ZEB1: variants seen among roughly 807,000 people sequenced by gnomAD.
ZEB1 encodes zinc finger E-box-binding homeobox 1.
In ZEB1, 21 loss-of-function variants were observed where a neutral mutation model predicts 84.9. That is an observed-to-expected ratio of 0.25 (90% CI 0.18 to 0.36). ZEB1 has a LOEUF of 0.36. Ranked by LOEUF, ZEB1 falls within the 10% of genes least tolerant of loss-of-function variation. The pLI, the probability that ZEB1 is intolerant of heterozygous loss-of-function variation, is 1.00. For missense variants in ZEB1, 1,104 were observed against 1,330.2 expected, an observed-to-expected ratio of 0.83 and a Z score of 2.65; for synonymous variants, 420 against 471.1, an observed-to-expected ratio of 0.89 and a Z score of 1.41.
intron 1 of ZEB1, among the ~76,000 whole-genome samples, chr10:31,451,361 CT>C (rs907373985): frequency 1.3e-5 from 2 of 151,992 alleles, no homozygotes; most frequent in African/African-American, 4.8e-5. Context: ...GGTAATTTAT[CT>C]TTTTTCTTGA....
chr10:31,354,905 C>G (rs1254872079), intron 1 of ZEB1, among the ~76,000 whole-genome samples: 1 of 152,088 alleles, frequency 6.6e-6, no homozygotes, highest in African/African-American at 2.4e-5. Context: ...GTGCATAGTT[C>G]TGTTGATGCT....
At chr10:31,459,749 T>G (rs564544471) in intron 1 of ZEB1, among the ~76,000 whole-genome samples, 101 of 151,932 alleles carry the variant, frequency 6.6e-4, no homozygotes, top group Non-Finnish European at 1.3e-3. Flanking sequence ...ATAAAAGCTG[T>G]TTTGGAGTTT....
chr10:31,521,054 T>C lies in ZEB1; in HGVS notation c.1722T>C (p.Val574=). ...AAGCTGAGAAGCCTGAGTCCTCTGT[T>C]TCATCAGCTACTGGAGATGGCAATT... The part of the protein sequence containing the change: ...AAEAEKPESS[V]SSATGDGNLS... The change falls in exon 7 of 9, where the codon GTT becomes GTC. Residue 574 remains valine, a synonymous_variant. Transcript: ENST00000424869. 8.1e-6 allele frequency: 13 copies of C among 1,614,060 alleles called. No homozygotes were observed. Among genetic ancestry groups the C allele is most frequent in the Non-Finnish European group, 1.1e-5 (13 of 1,180,006 alleles).
intron 1 of ZEB1, among the ~76,000 whole-genome samples, chr10:31,412,982 A>G (rs2054577249): frequency 6.6e-6 from 1 of 152,170 alleles, no homozygotes; most frequent in Admixed American, 6.5e-5. Context: ...TTAAAGACTC[A>G]TATATTTAGG....
chr10:31,436,108 A>G (rs1405639903), intron 1 of ZEB1, among the ~76,000 whole-genome samples: 1 of 152,186 alleles, frequency 6.6e-6, no homozygotes, highest in African/African-American at 2.4e-5. Flanking sequence ...TTTAAGCGAT[A>G]ATGTATGCAG....
At chr10:31,497,942 TAGATAGATAGA>T (rs2067492290) in intron 3 of ZEB1, among the ~76,000 whole-genome samples, 1 of 146,980 alleles carries the variant, frequency 6.8e-6, no homozygotes, top group African/African-American at 2.7e-5. Context: ...GATAGATAGA[TAGATAGATAGA>T]TAGATAGATA....
chr10:31,507,117 G>A (rs1417562644), intron 4 of ZEB1, among the ~76,000 whole-genome samples: 1 of 151,978 alleles, frequency 6.6e-6, no homozygotes, highest in East Asian at 1.9e-4. Context: ...ATTCTTGGCT[G>A]GCAGGGTTTT....
At chr10:31,403,847 A>G (rs910789910) in intron 1 of ZEB1, among the ~76,000 whole-genome samples, 3 of 152,086 alleles carry the variant, frequency 2.0e-5, no homozygotes, top group Non-Finnish European at 4.4e-5. Flanking sequence ...ATAAAAACAC[A>G]TTGATAATGC....
rs1480138884 is a variant in ZEB1, at chr10:31,527,450, CACAA to C, written c.*188_*191del. ...ACACACACACACACACACACACACACACAAAATAAATCCGGGTGTGCCTGAACCT... is the reference window on the plus strand; with the variant it reads ...ACACACACACACACACACACACACACAATAAATCCGGGTGTGCCTGAACCT... On this transcript the variant is annotated 3_prime_UTR_variant, in exon 9 of 9. Transcript: ENST00000424869. 7 of 695,126 alleles carry C rather than the reference CACAA, an allele frequency of 1.0e-5. No individual in the cohort carries two copies. Among genetic ancestry groups the C allele is most frequent in the African/African-American group, 4.2e-5 (2 of 47,232 alleles). 43.1% of individuals were successfully genotyped at this position (695,126 alleles called of 1,614,324 possible). A position where few individuals can be genotyped will look rare whatever the true frequency, so the allele number is the denominator to read the frequency against.
chr10:31,485,984 CATA>C (rs1224989694), intron 2 of ZEB1, among the ~76,000 whole-genome samples: 1 of 151,844 alleles, frequency 6.6e-6, no homozygotes, highest in Non-Finnish European at 1.5e-5. Context: ...CAACATGAAA[CATA>C]ATCTGTGTCA....
At chr10:31,375,199 T>C (rs2046415120) in intron 1 of ZEB1, among the ~76,000 whole-genome samples, 1 of 151,714 alleles carries the variant, frequency 6.6e-6, no homozygotes, top group African/African-American at 2.4e-5. Context: ...TTAGTTTTTT[T>C]CTGGATATAC....
intron 1 of ZEB1, among the ~76,000 whole-genome samples, chr10:31,340,097 G>A (rs975698599): frequency 6.6e-6 from 1 of 151,968 alleles, no homozygotes; most frequent in Non-Finnish European, 1.5e-5. Flanking sequence ...ATGCAAAATT[G>A]TTATGTTACT....
At chr10:31,385,710 T>C (rs2048518251) in intron 1 of ZEB1, among the ~76,000 whole-genome samples, 1 of 152,024 alleles carries the variant, frequency 6.6e-6, no homozygotes, top group South Asian at 2.1e-4. Flanking sequence ...GTATTTTTAG[T>C]AGAGATGGGG....
chr10:31,461,348 G>T (rs569333448), intron 2 of ZEB1, 111 bp downstream of exon 2: 1,052 of 1,213,546 alleles, frequency 8.7e-4, no homozygotes, highest in Non-Finnish European at 1.2e-3. Context: ...AGTAAATTTG[G>T]CTATCAATAA....
chr10:31,390,866 C>T (rs2049529347), intron 1 of ZEB1, among the ~76,000 whole-genome samples: 1 of 152,176 alleles, frequency 6.6e-6, no homozygotes, highest in African/African-American at 2.4e-5. Context: ...CGTTTTCATT[C>T]TTTAACATTT....
intron 1 of ZEB1, among the ~76,000 whole-genome samples, chr10:31,376,501 G>C (rs1388532529): frequency 6.6e-6 from 1 of 151,690 alleles, no homozygotes; most frequent in Non-Finnish European, 1.5e-5. Flanking sequence ...ATAAACACAT[G>C]CATATTATAT....
chr10:31,434,611 A>G (rs2058082203), intron 1 of ZEB1, among the ~76,000 whole-genome samples: 1 of 152,170 alleles, frequency 6.6e-6, no homozygotes, highest in South Asian at 2.1e-4. Flanking sequence ...TTTCATTTTA[A>G]AATTCGTTGA....
At chr10:31,437,362 A>C (rs2058413417) in intron 1 of ZEB1, among the ~76,000 whole-genome samples, 1 of 152,206 alleles carries the variant, frequency 6.6e-6, no homozygotes, top group Non-Finnish European at 1.5e-5. Context: ...AGTCAGAGGA[A>C]CTAAATTATT....
rs533121912 is a variant in ZEB1 at position 31,377,359 on chromosome 10, G to A, written c.58+58067G>A. Among the ~76,000 whole-genome samples, 18 of 151,758 alleles carry A rather than the reference G, an allele frequency of 1.2e-4. No homozygotes were observed. In the South Asian group the frequency reaches 1.5e-3, roughly 12 times the overall value. ...AAAATGTGAGACTGCTCTGCCACTA[G>A]TTCCTGCTCTGCCACTAATAAACAG... On this transcript the variant is annotated intron_variant, in intron 1 of 8. Coordinates refer to ENST00000424869, the MANE Select transcript of ZEB1 (RefSeq NM_001174096.2).
Sources: gnomAD v4.1 joint callset for allele counts (sites outside exome capture counted in the v4.1 genomes callset) on GRCh38, gnomAD v4.1.1 for gene constraint, MANE v1.5 for transcripts, NCBI Gene and HGNC (gene_info 2026-07-23, HGNC 2026-07-21) for gene names.